The following FNDC3B variants were observed in gnomAD, a reference collection of about 807,000 sequenced individuals.
FNDC3B encodes the protein fibronectin type III domain containing 3B, also known as fibronectin type III domain-containing protein 3B.
A neutral mutation model predicts 151.5 loss-of-function variants in FNDC3B; 12 were observed. That is an observed-to-expected ratio of 0.08 (90% confidence interval 0.05 to 0.13). The LOEUF is 0.13. FNDC3B is among the 10% of genes least tolerant of loss of function. The pLI is 1.00. For synonymous variants in FNDC3B, 528 were observed against 549.0 expected (o/e 0.96, Z 0.54); for missense variants, 1,214 against 1,505.3 (o/e 0.81, Z 3.20).
At chr3:172,107,320 G>A (rs533925870) in intron 1 of FNDC3B, among the ~76,000 whole-genome samples, 1 of 152,266 alleles carries the variant, frequency 6.6e-6, no homozygotes, top group South Asian at 2.1e-4. Context: ...GTGGGGGAAA[G>A]AAAAGTTCAT....
rs893863332 is a variant in FNDC3B, at chr3:172,247,859, T to C, written c.508+83T>C. The C allele has an allele frequency of 8.9e-5, 129 of 1,455,220 alleles. 1 individual carries two copies. The highest frequency in any genetic ancestry group is 1.9e-4 in the Admixed American group (11 of 57,932). The allele number at this position is 1,455,220 out of a possible 1,614,324, so 90.1% of individuals were successfully genotyped here. Reference sequence around the variant, plus strand: ...GTTCAAGGCGGTCCTTTGTTTCTTGTGAAATAAGCATAGTAGAAAAGGATC... The same window carrying C: ...GTTCAAGGCGGTCCTTTGTTTCTTGCGAAATAAGCATAGTAGAAAAGGATC... On this transcript the variant is annotated intron_variant, in intron 5 of 25. Coordinates refer to ENST00000415807, the MANE Select transcript of FNDC3B (RefSeq NM_022763.4).
At chr3:172,307,171 C>G in intron 9 of FNDC3B, 192 bp from the exon 10 acceptor site, 1 of 578,690 alleles carries the variant, frequency 1.7e-6, no homozygotes, top group Non-Finnish European at 3.1e-6. Flanking sequence ...AGACAAATAC[C>G]TGTTGGGATG....
chr3:172,236,690 A>G (rs1245520376), intron 4 of FNDC3B, among the ~76,000 whole-genome samples: 1 of 152,088 alleles, frequency 6.6e-6, no homozygotes, highest in Non-Finnish European at 1.5e-5. Flanking sequence ...GGGATTCTCT[A>G]TCTGGGGACA....
In FNDC3B at chr3:172,330,556, G is replaced by T. The variant is rs200058127; in HGVS notation, c.1395G>T (p.Glu465Asp). 4.3e-6 allele frequency: 7 copies of T among 1,613,312 alleles called. 1 individual carries two copies. The highest frequency in any genetic ancestry group is 4.5e-5 in the East Asian group (2 of 44,862). The part of the protein sequence containing the change: ...NDIGTSGYSQ[E>D]VVCYTLGNIP... Reference sequence around the variant, plus strand: ...TTCTCTACAGTGGTTATAGCCAAGAGGTGGTGTGCTACACATTAGGAAATA... The same window carrying T: ...TTCTCTACAGTGGTTATAGCCAAGATGTGGTGTGCTACACATTAGGAAATA... The change falls in exon 13 of 26, where the codon GAG becomes GAT. Residue 465 changes from glutamate (E) to aspartate (D), a missense_variant. By Grantham distance (45) the Glu-to-Asp change is conservative. This residue lies in a region of FNDC3B where 111 missense variants were observed against 96.8 expected (regional missense o/e 1.15). Transcript: ENST00000415807.
At chr3:172,133,826 T>A (rs1036402347) in intron 3 of FNDC3B, among the ~76,000 whole-genome samples, 1 of 152,174 alleles carries the variant, frequency 6.6e-6, no homozygotes, top group Non-Finnish European at 1.5e-5. Context: ...ATTTATTAAC[T>A]CACAGGGGGC....
chr3:172,126,727 C>G (rs1048538738), intron 2 of FNDC3B, among the ~76,000 whole-genome samples: 3 of 152,138 alleles, frequency 2.0e-5, no homozygotes, highest in African/African-American at 7.2e-5. Flanking sequence ...GAGAGGGCAG[C>G]TTGTGGGTCA....
chr3:172,244,775 C>G (rs1446929975), intron 4 of FNDC3B, among the ~76,000 whole-genome samples: 2 of 151,920 alleles, frequency 1.3e-5, no homozygotes, highest in African/African-American at 4.8e-5. Flanking sequence ...CAGGTCCACG[C>G]TGCCACACCC....
At chr3:172,348,927 A>G (rs1733729945) in intron 21 of FNDC3B, among the ~76,000 whole-genome samples, 1 of 152,176 alleles carries the variant, frequency 6.6e-6, no homozygotes, top group African/African-American at 2.4e-5. Context: ...CCAAATATGA[A>G]TTATTTTCAT....
intron 23 of FNDC3B, among the ~76,000 whole-genome samples, chr3:172,363,069 AT>A (rs1410654780): frequency 6.6e-6 from 1 of 152,162 alleles, no homozygotes; most frequent in Non-Finnish European, 1.5e-5. Flanking sequence ...ATAGCATAAT[AT>A]GCACTTTTTT....
chr3:172,313,575 G>T (rs959583211), intron 11 of FNDC3B, among the ~76,000 whole-genome samples: 3 of 152,206 alleles, frequency 2.0e-5, no homozygotes, highest in African/African-American at 7.2e-5. Context: ...ATTGTCCTGT[G>T]AGGGATCTGT....
chr3:172,118,785 C>T (rs960033543), intron 2 of FNDC3B, among the ~76,000 whole-genome samples: 3 of 152,156 alleles, frequency 2.0e-5, no homozygotes, highest in South Asian at 2.1e-4. Flanking sequence ...TGCTGACTGC[C>T]GTTCATGCTT....
chr3:172,210,634 G>A (rs1016062029), intron 3 of FNDC3B, among the ~76,000 whole-genome samples: 2 of 152,202 alleles, frequency 1.3e-5, no homozygotes, highest in African/African-American at 4.8e-5. Context: ...GAGATTATAG[G>A]TGTGAGTCAC....
In FNDC3B at chr3:172,298,708, T is replaced by C. The variant is rs1356979237; in HGVS notation, c.1002-20T>C. ...TTTTGAAACTGGAATTAGCAACTAA[T>C]GAATGCTTTTTCTTTACAGTGGAGA... On this transcript the variant is annotated intron_variant, in intron 8 of 25. Transcript: ENST00000415807. The C allele has an allele frequency of 4.3e-5, 68 of 1,587,148 alleles. No homozygotes were observed. Among genetic ancestry groups the C allele is most frequent in the Non-Finnish European group, 5.5e-5 (64 of 1,164,184 alleles).
At chr3:172,260,662 T>C (rs9857967) in intron 6 of FNDC3B, among the ~76,000 whole-genome samples, 2 of 152,230 alleles carry the variant, frequency 1.3e-5, no homozygotes, top group South Asian at 4.1e-4. Flanking sequence ...GCTGGGTCAG[T>C]GTTAAGTAAT....
chr3:172,397,800 A>AT lies in FNDC3B; in HGVS notation c.*338dup, dbSNP rs57003017. 155 of 153,080 alleles carry AT rather than the reference A, an allele frequency of 1.0e-3. No individual in the cohort carries two copies. The highest frequency in any genetic ancestry group is 3.7e-3 in the South Asian group (19 of 5,200). The allele number at this position is 153,080 out of a possible 1,614,324, so 9.5% of individuals were successfully genotyped here. ...CACTGATGTCTTTTGCAAGCCTTTG[A>AT]TTTTTTTTTTTTTGTTACAGTTTAG... On this transcript the variant is annotated 3_prime_UTR_variant, in exon 26 of 26. Coordinates refer to ENST00000415807, the MANE Select transcript of FNDC3B (RefSeq NM_022763.4).
At chr3:172,361,215 G>C (rs1734340296) in intron 22 of FNDC3B, among the ~76,000 whole-genome samples, 1 of 152,132 alleles carries the variant, frequency 6.6e-6, no homozygotes, top group Non-Finnish European at 1.5e-5. Context: ...TCTAGCAAGT[G>C]GTTGCTCTAC....
intron 3 of FNDC3B, among the ~76,000 whole-genome samples, chr3:172,215,996 T>C (rs1725958688): frequency 1.3e-5 from 2 of 149,124 alleles, no homozygotes; most frequent in African/African-American, 2.5e-5. Context: ...CCGTCTTGAG[T>C]TTGTTATTAG....
chr3:172,342,635 C>T (rs897860523), intron 17 of FNDC3B, among the ~76,000 whole-genome samples: 1 of 151,996 alleles, frequency 6.6e-6, no homozygotes, highest in Non-Finnish European at 1.5e-5. Flanking sequence ...ATTTATGGTA[C>T]CATTTTAAAA....
intron 12 of FNDC3B, 27 bp from the exon 13 acceptor site, chr3:172,330,514 T>A (rs749711279): frequency 7.5e-6 from 12 of 1,594,176 alleles, no homozygotes; most frequent in South Asian, 1.1e-5. Flanking sequence ...TGCTTCTAAC[T>A]GTGTGCCTCA....
Sources: allele counts gnomAD v4.1 joint callset (sites outside exome capture counted in the v4.1 genomes callset), GRCh38; gene constraint gnomAD v4.1.1; regional missense constraint gnomAD v4.1.1; transcripts MANE v1.5; gene names NCBI Gene and HGNC (gene_info 2026-07-23, HGNC 2026-07-21).